The following CPA6 variants were observed in gnomAD, a reference collection of about 807,000 sequenced individuals.
CPA6 encodes the protein carboxypeptidase A6.
In CPA6, 58 loss-of-function variants were observed where a neutral mutation model predicts 63.3. That is an observed-to-expected ratio of 0.92 (90% CI 0.74 to 1.14). The LOEUF is 1.14. Ranked by LOEUF, CPA6 falls within the 50% of genes most tolerant of loss-of-function variation. The pLI is 0.00. For synonymous variants in CPA6, 185 were observed against 179.0 expected (o/e 1.03, Z -0.27); for missense variants, 565 against 526.6 (o/e 1.07, Z -0.71).
At chr8:67,640,505 G>A (rs1263316332) in intron 1 of CPA6, among the ~76,000 whole-genome samples, 1 of 151,080 alleles carries the variant, frequency 6.6e-6, no homozygotes, top group African/African-American at 2.5e-5. Flanking sequence ...TAACAGTGGC[G>A]AGAAGTCAGA....
intron 1 of CPA6, among the ~76,000 whole-genome samples, chr8:67,728,408 C>A (rs538817806): frequency 2.0e-5 from 3 of 152,198 alleles, no homozygotes; most frequent in African/African-American, 7.2e-5. Context: ...TTTTCCTTTA[C>A]CTCTATAGAA....
intron 6 of CPA6, among the ~76,000 whole-genome samples, chr8:67,503,416 C>A (rs767848404): frequency 1.3e-5 from 2 of 151,976 alleles, no homozygotes; most frequent in South Asian, 2.1e-4. Context: ...CCCTCCTCAG[C>A]CTCTGGAGTA....
intron 8 of CPA6, among the ~76,000 whole-genome samples, chr8:67,442,238 A>G (rs958435064): frequency 6.6e-6 from 1 of 152,136 alleles, no homozygotes; most frequent in African/African-American, 2.4e-5. Context: ...GGGATCAAAT[A>G]TGAAGAAGCC....
chr8:67,587,371 C>T (rs1036404789), intron 2 of CPA6, among the ~76,000 whole-genome samples: 1 of 152,066 alleles, frequency 6.6e-6, no homozygotes, highest in Non-Finnish European at 1.5e-5. Context: ...GGATCAGTAT[C>T]CTCCTAATTC....
intron 2 of CPA6, among the ~76,000 whole-genome samples, chr8:67,535,699 C>G (rs901002231): frequency 6.6e-6 from 1 of 152,134 alleles, no homozygotes; most frequent in Admixed American, 6.6e-5. Flanking sequence ...TGCAGAAGCT[C>G]TTCAGTTTAA....
At chr8:67,599,522 C>T (rs1814438202) in intron 2 of CPA6, among the ~76,000 whole-genome samples, 1 of 152,174 alleles carries the variant, frequency 6.6e-6, no homozygotes, top group Non-Finnish European at 1.5e-5. Context: ...GATACTCCCT[C>T]TCTTGAGGTC....
rs139719693 is a variant in CPA6 at position 67,644,057 on chromosome 8, G to A, written c.117-19806C>T. Among the ~76,000 whole-genome samples, 725 of 152,182 alleles carry A rather than the reference G, an allele frequency of 4.8e-3. 2 individuals carry two copies. The highest frequency in any genetic ancestry group is 6.4e-3 in the Non-Finnish European group (435 of 68,022). Reference sequence around the variant, plus strand: ...CTTCATATCACAATGCAGATTGAGGGGGGTTGGCAGTACCTTAAAGACCGC... The same window carrying A: ...CTTCATATCACAATGCAGATTGAGGAGGGTTGGCAGTACCTTAAAGACCGC... On this transcript the variant is annotated intron_variant, in intron 1 of 10. Transcript: ENST00000297770.
At chr8:67,530,870 A>C (rs1226291000) in intron 2 of CPA6, among the ~76,000 whole-genome samples, 3 of 152,088 alleles carry the variant, frequency 2.0e-5, no homozygotes, top group Non-Finnish European at 2.9e-5. Flanking sequence ...TAAATGCAAA[A>C]CCTCTCCAGA....
At chr8:67,669,796 A>G (rs544741938) in intron 1 of CPA6, among the ~76,000 whole-genome samples, 1 of 89,670 alleles carries the variant, frequency 1.1e-5, no homozygotes, top group Non-Finnish European at 1.9e-5. Context: ...ATCTAAAGAC[A>G]AAAAAAAAAA....
chr8:67,493,890 C>T (rs1312948430), intron 6 of CPA6, among the ~76,000 whole-genome samples: 2 of 152,122 alleles, frequency 1.3e-5, no homozygotes, highest in East Asian at 3.9e-4. Context: ...CATTTCAGGC[C>T]ATTTTAGTCC....
rs182922248 is a variant in CPA6 at position 67,663,524 on chromosome 8, C to G, written c.117-39273G>C. ...ATTTTTCCTAATGCTCTCACTCCCC[C>G]ACCCCACTCCCCAACAGGCCCCATT... On this transcript the variant is annotated intron_variant, in intron 1 of 10. Transcript: ENST00000297770. Among the ~76,000 whole-genome samples, 125 of 152,214 alleles carry G rather than the reference C, an allele frequency of 8.2e-4. 1 individual carries two copies. In the East Asian group the frequency reaches 0.019, roughly 24 times the overall value.
chr8:67,581,700 T>TC (rs906096015), intron 2 of CPA6, among the ~76,000 whole-genome samples: 1 of 152,160 alleles, frequency 6.6e-6, no homozygotes, highest in Admixed American at 6.5e-5. Flanking sequence ...GGACTGGCTG[T>TC]CCCCCAACTC....
At chr8:67,654,720 G>A (rs920982654) in intron 1 of CPA6, among the ~76,000 whole-genome samples, 6 of 152,100 alleles carry the variant, frequency 3.9e-5, no homozygotes, top group African/African-American at 1.4e-4. Flanking sequence ...TTGCCAATCT[G>A]TAAAATCTCT....
chr8:67,476,341 A>C (rs956552801), intron 8 of CPA6, among the ~76,000 whole-genome samples: 2 of 152,118 alleles, frequency 1.3e-5, no homozygotes, highest in Non-Finnish European at 2.9e-5. Flanking sequence ...GGGCTACAAA[A>C]ATCTGCCTTC....
chr8:67,447,564 G>A (rs7825801), intron 8 of CPA6, among the ~76,000 whole-genome samples: 41,049 of 150,478 alleles, frequency 0.27, 6,831 homozygotes, highest in African/African-American at 0.47. Flanking sequence ...TTTTAAATAG[G>A]TGATAAATTC....
At chr8:67,694,155 T>A (rs1254487464) in intron 1 of CPA6, among the ~76,000 whole-genome samples, 1 of 152,232 alleles carries the variant, frequency 6.6e-6, no homozygotes, top group Non-Finnish European at 1.5e-5. Context: ...GAAGGCTCTG[T>A]AACAGGCCAG....
chr8:67,479,447 T>C (rs978657436), intron 8 of CPA6, among the ~76,000 whole-genome samples: 5 of 152,242 alleles, frequency 3.3e-5, no homozygotes, highest in African/African-American at 1.2e-4. Flanking sequence ...CCTCATGCTA[T>C]GCATGTTAAA....
intron 8 of CPA6, chr8:67,452,177 C>G (rs1384180290): frequency 6.6e-6 from 1 of 152,188 alleles, no homozygotes; most frequent in Non-Finnish European, 1.5e-5. Context: ...TTTTAAGGAA[C>G]ATGCAGAGGG....
chr8:67,532,292 A>G (rs1221522314), intron 2 of CPA6, among the ~76,000 whole-genome samples: 1 of 152,170 alleles, frequency 6.6e-6, no homozygotes, highest in African/African-American at 2.4e-5. Flanking sequence ...GATTGAAATG[A>G]CCGATGTTAG....
Sources: allele counts gnomAD v4.1 joint callset (sites outside exome capture counted in the v4.1 genomes callset), GRCh38; gene constraint gnomAD v4.1.1; transcripts MANE v1.5; gene names NCBI Gene and HGNC (gene_info 2026-07-23, HGNC 2026-07-21).